The following HMGCLL1 variants were observed in gnomAD, a reference collection of about 807,000 sequenced individuals.
The protein encoded by HMGCLL1 is 3-hydroxymethyl-3-methylglutaryl-CoA lyase, cytoplasmic.
In HMGCLL1, 36 loss-of-function variants were observed where a neutral mutation model predicts 39.1. That is an observed-to-expected ratio of 0.92 (90% confidence interval 0.71 to 1.22). HMGCLL1 has a LOEUF of 1.22. Ranked by LOEUF, HMGCLL1 falls within the 50% of genes most tolerant of loss-of-function variation. The probability of loss-of-function intolerance (pLI) is 0.00; values close to 1 mark genes in which losing one functional copy is unlikely to be tolerated. For missense variants in HMGCLL1, 451 were observed against 416.5 expected, an observed-to-expected ratio of 1.08 and a Z score of -0.72; for synonymous variants, 149 against 144.0, an observed-to-expected ratio of 1.03 and a Z score of -0.25.
intron 7 of HMGCLL1, among the ~76,000 whole-genome samples, chr6:55,483,405 A>G (rs1211442880): frequency 6.6e-6 from 1 of 152,132 alleles, no homozygotes; most frequent in Non-Finnish European, 1.5e-5. Flanking sequence ...AGCTGGGACT[A>G]TAGGCACGTG....
chr6:55,440,957 C>T (rs1421649038), intron 7 of HMGCLL1, among the ~76,000 whole-genome samples: 2 of 152,066 alleles, frequency 1.3e-5, no homozygotes, highest in Non-Finnish European at 2.9e-5. Flanking sequence ...ATATATTGCA[C>T]ACTCAGTTTT....
intron 7 of HMGCLL1, among the ~76,000 whole-genome samples, chr6:55,466,281 CA>C (rs67008209): frequency 0.015 from 2,221 of 152,064 alleles, 47 homozygotes; most frequent in African/African-American, 0.049. Flanking sequence ...AACCTGAGAG[CA>C]GTAGTAACTG....
the HMGCLL1 span, among the ~76,000 whole-genome samples, chr6:55,607,652 T>A: frequency 6.6e-6 from 1 of 152,134 alleles, no homozygotes; most frequent in Admixed American, 6.5e-5. Flanking sequence ...CACCTAAAGC[T>A]CCGACTGGGG....
chr6:55,543,589 T>C (rs893893198), intron 1 of HMGCLL1, among the ~76,000 whole-genome samples: 27 of 77,388 alleles, frequency 3.5e-4, no homozygotes, highest in African/African-American at 1.0e-3. Context: ...TATATTTATA[T>C]ATATATATTT....
intron 7 of HMGCLL1, among the ~76,000 whole-genome samples, chr6:55,460,296 A>AAT (rs1162182662): frequency 6.6e-6 from 1 of 151,994 alleles, no homozygotes; most frequent in East Asian, 1.9e-4. Flanking sequence ...AATTTATTTT[A>AAT]ATATATATAA....
At chr6:55,477,157 A>ATT in intron 7 of HMGCLL1, among the ~76,000 whole-genome samples, 2 of 53,858 alleles carry the variant, frequency 3.7e-5, no homozygotes, top group African/African-American at 1.6e-4. Flanking sequence ...TATATATTAT[A>ATT]TATTATAATA....
the HMGCLL1 span, among the ~76,000 whole-genome samples, chr6:55,613,603 G>T: frequency 6.6e-6 from 1 of 152,018 alleles, no homozygotes; most frequent in African/African-American, 2.4e-5. Flanking sequence ...GCCATAAAAA[G>T]GAATAAGATC....
chr6:55,481,776 GCAAT>G (rs199560847), intron 7 of HMGCLL1, among the ~76,000 whole-genome samples: 2,216 of 151,662 alleles, frequency 0.015, 31 homozygotes, highest in Non-Finnish European at 0.025. Flanking sequence ...TGGAAAATAA[GCAAT>G]CAATCTTATC....
the HMGCLL1 span, among the ~76,000 whole-genome samples, chr6:55,631,947 C>A: frequency 6.2e-4 from 95 of 152,104 alleles, no homozygotes; most frequent in African/African-American, 2.1e-3. Context: ...ATGGGCCTTA[C>A]CTATTTTGTC....
intron 7 of HMGCLL1, among the ~76,000 whole-genome samples, chr6:55,476,254 T>G (rs1765280430): frequency 6.6e-6 from 1 of 151,688 alleles, no homozygotes; most frequent in African/African-American, 2.4e-5. Flanking sequence ...TTCATAGTGT[T>G]ATGTTACTTT....
At chr6:55,493,356 T>G (rs1483265566) in intron 7 of HMGCLL1, among the ~76,000 whole-genome samples, 1 of 152,022 alleles carries the variant, frequency 6.6e-6, no homozygotes. Context: ...TGACTGGGGG[T>G]GTGGTCTTTT....
At chr6:55,676,213 ACT>A in the HMGCLL1 span, among the ~76,000 whole-genome samples, 1 of 152,088 alleles carries the variant, frequency 6.6e-6, no homozygotes, top group East Asian at 1.9e-4. Flanking sequence ...CAGAACAAAC[ACT>A]CTTATGCTTA....
At chr6:55,673,051 G>T in the HMGCLL1 span, among the ~76,000 whole-genome samples, 2 of 151,968 alleles carry the variant, frequency 1.3e-5, no homozygotes, top group Non-Finnish European at 2.9e-5. Flanking sequence ...AAGTCCCTTA[G>T]CAGAGGCCTT....
the HMGCLL1 span, among the ~76,000 whole-genome samples, chr6:55,641,008 C>T: frequency 6.6e-6 from 1 of 151,336 alleles, no homozygotes; most frequent in Non-Finnish European, 1.5e-5. Flanking sequence ...CAAAAAATGT[C>T]TAAATCAAAA....
At chr6:55,567,860 C>A (rs1362905699) in intron 1 of HMGCLL1, among the ~76,000 whole-genome samples, 1 of 152,136 alleles carries the variant, frequency 6.6e-6, no homozygotes, top group African/African-American at 2.4e-5. Flanking sequence ...GGAAAGTAAA[C>A]CTCAGTTCCT....
intron 1 of HMGCLL1, among the ~76,000 whole-genome samples, chr6:55,561,107 ATTAT>A (rs1480810701): frequency 2.0e-5 from 3 of 151,910 alleles, no homozygotes; most frequent in African/African-American, 7.2e-5. Flanking sequence ...TTTCAGCAGC[ATTAT>A]TTAGTCAATT....
chr6:55,449,557 T>C (rs1474305080), intron 7 of HMGCLL1, among the ~76,000 whole-genome samples: 2 of 152,214 alleles, frequency 1.3e-5, no homozygotes, highest in African/African-American at 2.4e-5. Context: ...GCATAGCCAA[T>C]TGGAACGGAT....
At chr6:55,499,868 A>T (rs1316509676) in intron 5 of HMGCLL1, among the ~76,000 whole-genome samples, 1 of 151,946 alleles carries the variant, frequency 6.6e-6, no homozygotes, top group Non-Finnish European at 1.5e-5. Context: ...TAGTGTGTTT[A>T]GAAGGCTTAG....
chr6:55,519,163 G>T lies in HMGCLL1; in HGVS notation c.298-2560C>A, dbSNP rs73746357. 1.1e-3 allele frequency among the ~76,000 whole-genome samples: 164 copies of T among 152,214 alleles called. 1 individual carries two copies. The highest frequency in any genetic ancestry group is 3.7e-3 in the African/African-American group (155 of 41,560). ...GCTGAAGGCAATAGAAAGCCATGGA[G>T]AATGGGTGTTGAGAAAGGAGAAGAC... is the stretch of plus-strand genomic sequence containing the variant. On this transcript the variant is annotated intron_variant, in intron 3 of 8. Coordinates refer to ENST00000274901, the MANE Select transcript of HMGCLL1 (RefSeq NM_001042406.2).
Sources: gnomAD v4.1 joint callset for allele counts (sites outside exome capture counted in the v4.1 genomes callset) on GRCh38, gnomAD v4.1.1 for gene constraint, MANE v1.5 for transcripts, NCBI Gene and HGNC (gene_info 2026-07-23, HGNC 2026-07-21) for gene names.